Variants in KCNH8 observed in about 807,000 individuals in gnomAD.
The protein encoded by KCNH8 is potassium voltage-gated channel subfamily H member 8.
In KCNH8, 70 loss-of-function variants were observed where a neutral mutation model predicts 103.6. The observed-to-expected ratio is 0.68, with a 90% confidence interval of 0.56 to 0.82. The LOEUF (loss-of-function observed/expected upper bound fraction) is 0.82. KCNH8 is among the 40% of genes least tolerant of loss of function. The pLI is 0.00. For synonymous variants in KCNH8, 498 were observed against 489.4 expected (o/e 1.02, Z -0.23); for missense variants, 1,217 against 1,329.9 (o/e 0.92, Z 1.32).
intron 7 of KCNH8, among the ~76,000 whole-genome samples, chr3:19,429,752 A>G (rs1185386690): frequency 3.3e-5 from 5 of 152,062 alleles, no homozygotes; most frequent in Admixed American, 6.6e-5. Context: ...GAAAGGCCCC[A>G]GTGTGTGGTG....
At chr3:19,281,147 G>A (rs759973320) in intron 2 of KCNH8, 51 bp from the exon 3 acceptor site, 2 of 1,581,166 alleles carry the variant, frequency 1.3e-6, no homozygotes, top group South Asian at 1.2e-5. Flanking sequence ...TTTCCATAGA[G>A]ATAACACAAG....
At chr3:19,514,409 CATA>C (rs1389892610) in intron 13 of KCNH8, among the ~76,000 whole-genome samples, 2 of 151,612 alleles carry the variant, frequency 1.3e-5, no homozygotes, top group African/African-American at 2.4e-5. Context: ...TAAAATTAAA[CATA>C]ATAAATTATA....
intron 3 of KCNH8, among the ~76,000 whole-genome samples, chr3:19,326,213 T>C (rs187198413): frequency 1.1e-3 from 164 of 151,526 alleles, no homozygotes; most frequent in African/African-American, 3.8e-3. Context: ...AGAGAGAAGA[T>C]CCAGAAAAAT....
intron 1 of KCNH8, among the ~76,000 whole-genome samples, chr3:19,156,306 T>A (rs1479374091): frequency 2.0e-5 from 3 of 152,186 alleles, no homozygotes; most frequent in African/African-American, 7.2e-5. Context: ...CCCAGAATTC[T>A]ACTATATCAT....
At chr3:19,506,700 G>A (rs1338357048) in intron 11 of KCNH8, among the ~76,000 whole-genome samples, 3 of 152,230 alleles carry the variant, frequency 2.0e-5, no homozygotes, top group Non-Finnish European at 4.4e-5. Context: ...GCAAGGCCAG[G>A]GACCTTAGCA....
intron 2 of KCNH8, among the ~76,000 whole-genome samples, chr3:19,267,955 C>T (rs1489487555): frequency 6.6e-6 from 1 of 152,094 alleles, no homozygotes; most frequent in African/African-American, 2.4e-5. Flanking sequence ...GTGTCTGACA[C>T]ATAATATGTG....
At chr3:19,174,319 GAATAA>G (rs2063377110) in intron 1 of KCNH8, among the ~76,000 whole-genome samples, 2 of 151,986 alleles carry the variant, frequency 1.3e-5, no homozygotes, top group Non-Finnish European at 2.9e-5. Context: ...AAATACATTT[GAATAA>G]AATAAATTTT....
chr3:19,327,817 T>G (rs1291017043), intron 3 of KCNH8, among the ~76,000 whole-genome samples: 1 of 152,204 alleles, frequency 6.6e-6, no homozygotes, highest in Non-Finnish European at 1.5e-5. Context: ...CCGGGTCTAC[T>G]TATTTCTAGC....
At position 19,534,050 on chromosome 3, in the gene KCNH8, T is replaced by C. The variant is rs192237504; in HGVS notation, c.3275T>C (p.Val1092Ala). 22 of 1,614,136 alleles carry C rather than the reference T, an allele frequency of 1.4e-5. No individual in the cohort carries two copies. The African/African-American group carries it at 1.9e-4, about 14-fold the overall frequency. ...CCTTTGGAGAACCTTCCACTGGAAG[T>C]TGTCACAAGCACAGCAGAAGTGAAA... ...TKPLENLPLE[V>A]VTSTAEVKDN... Residue 1092 changes from valine (V) to alanine (A), a missense_variant, in exon 16 of 16, where the codon GTT (valine) becomes GCT (alanine). Physicochemically the swap from Val to Ala is moderately conservative, Grantham distance 64 (BLOSUM62 0). Transcript: ENST00000328405.
At chr3:19,312,388 A>G (rs1385451612) in intron 3 of KCNH8, among the ~76,000 whole-genome samples, 2 of 151,916 alleles carry the variant, frequency 1.3e-5, no homozygotes, top group South Asian at 4.1e-4. Context: ...TGAAAGGGAC[A>G]CCAACTTGGA....
chr3:19,234,417 G>C (rs1336340322), intron 1 of KCNH8, among the ~76,000 whole-genome samples: 2 of 152,228 alleles, frequency 1.3e-5, no homozygotes, highest in East Asian at 3.9e-4. Context: ...TGCAGGTCCC[G>C]AGCCCTGCCC....
chr3:19,198,348 G>A (rs573323802), intron 1 of KCNH8, among the ~76,000 whole-genome samples: 9 of 152,038 alleles, frequency 5.9e-5, no homozygotes, highest in African/African-American at 2.2e-4. Context: ...GTAAAAATGG[G>A]GTATTATTCC....
intron 1 of KCNH8, among the ~76,000 whole-genome samples, chr3:19,228,258 T>G (rs371151239): frequency 6.6e-6 from 1 of 152,198 alleles, no homozygotes; most frequent in South Asian, 2.1e-4. Flanking sequence ...TCTGTGGCTG[T>G]TTTCGTACTA....
At chr3:19,517,154 A>C (rs991278471) in intron 14 of KCNH8, among the ~76,000 whole-genome samples, 1 of 151,868 alleles carries the variant, frequency 6.6e-6, no homozygotes, top group African/African-American at 2.4e-5. Flanking sequence ...TCTAAGCTCC[A>C]TGAGTGTCAA....
chr3:19,352,179 C>T (rs1370140182), intron 5 of KCNH8, among the ~76,000 whole-genome samples: 2 of 152,156 alleles, frequency 1.3e-5, no homozygotes, highest in Non-Finnish European at 2.9e-5. Flanking sequence ...ACAAGAAGAG[C>T]TAATTATCCT....
At position 19,346,530 on chromosome 3, in the gene KCNH8, A is replaced by C. The variant is rs2065731766; in HGVS notation, c.571-1195A>C. 6.9e-6 allele frequency: 3 copies of C among 436,658 alleles called. No homozygotes were observed. In the Admixed American group the frequency reaches 7.4e-5, roughly 11 times the overall value. The allele number at this position is 436,658 out of a possible 1,614,324, so 27.0% of individuals were successfully genotyped here. ...GTAGAAACATGGGTTGAAAATACCT[A>C]CCAAAGAGAAATGCCAGACAGGGGT... On this transcript the variant is annotated intron_variant, in intron 4 of 15. Coordinates refer to ENST00000328405, the MANE Select transcript of KCNH8 (RefSeq NM_144633.3).
chr3:19,275,773 G>A lies in KCNH8; in HGVS notation c.311-5425G>A, dbSNP rs143259375. Among the ~76,000 whole-genome samples, 22 of 151,930 alleles carry A rather than the reference G, an allele frequency of 1.4e-4. No homozygotes were observed. In the East Asian group the frequency reaches 4.3e-3, roughly 30 times the overall value. ...CTTTTTTTAGTTCACCTCTTTGCAC[G>A]TCCATCACATTCCCGTATTTTCTAG... On this transcript the variant is annotated intron_variant, in intron 2 of 15. Transcript: ENST00000328405.
At chr3:19,208,986 GTATATC>G (rs898347107) in intron 1 of KCNH8, among the ~76,000 whole-genome samples, 4 of 151,844 alleles carry the variant, frequency 2.6e-5, no homozygotes, top group Admixed American at 2.6e-4. Context: ...AAGGATATAT[GTATATC>G]TATATCTATC....
In KCNH8 at chr3:19,448,656, C is replaced by T. The variant is rs1011353721; in HGVS notation, c.1376-1450C>T. 3.3e-5 allele frequency among the ~76,000 whole-genome samples: 5 copies of T among 152,070 alleles called. No homozygotes were observed. In the South Asian group the frequency reaches 1.0e-3, roughly 32 times the overall value. On this transcript the variant is annotated intron_variant, in intron 8 of 15. Transcript: ENST00000328405. ...TGTTGACATATTTGCACCAATGTAT[C>T]CATTATGATGCTAAGAAATTTTTAA...
Sources: allele counts gnomAD v4.1 joint callset (sites outside exome capture counted in the v4.1 genomes callset), GRCh38; gene constraint gnomAD v4.1.1; transcripts MANE v1.5; gene names NCBI Gene and HGNC (gene_info 2026-07-23, HGNC 2026-07-21).